The following SPTLC1 variants were observed in gnomAD, a reference collection of about 807,000 sequenced individuals.
The protein encoded by SPTLC1 is serine palmitoyltransferase 1.
A neutral mutation model predicts 68.9 loss-of-function variants in SPTLC1; 55 were observed. The observed-to-expected ratio is 0.80, with a 90% CI of 0.64 to 1.00. The LOEUF (loss-of-function observed/expected upper bound fraction) is 1.00, where lower values mean the gene tolerates loss of function less well. Among genes scored for constraint, SPTLC1 ranks in the 50% least tolerant of loss-of-function variants. The pLI, the probability that SPTLC1 is intolerant of heterozygous loss-of-function variation, is 0.00. For missense variants in SPTLC1, 449 were observed against 573.1 expected, an observed-to-expected ratio of 0.78 and a Z score of 2.21; for synonymous variants, 197 against 201.6, an observed-to-expected ratio of 0.98 and a Z score of 0.19.
At chr9:92,085,483 CTTCAT>C (rs1424913695) in intron 3 of SPTLC1, among the ~76,000 whole-genome samples, 2 of 151,654 alleles carry the variant, frequency 1.3e-5, no homozygotes, top group East Asian at 3.9e-4. Flanking sequence ...TTATTTCTGC[CTTCAT>C]TTCGTTATGT....
At position 92,042,204 on chromosome 9, in the gene SPTLC1, T is replaced by C. The variant is rs117100610; in HGVS notation, c.1136+3795A>G. ...TATACTTAATGAAGAAGTGCTTCTA[T>C]ACTGGGAATAAGGAAGGAATGTTTG... On this transcript the variant is annotated intron_variant, in intron 12 of 14. Coordinates refer to ENST00000262554, the MANE Select transcript of SPTLC1 (RefSeq NM_006415.4). Among the ~76,000 whole-genome samples the C allele has an allele frequency of 1.4e-3, 209 of 152,324 alleles. 1 individual carries two copies. In the East Asian group the frequency reaches 0.035, roughly 25 times the overall value.
At chr9:92,055,636 G>T in intron 7 of SPTLC1, 142 bp from the exon 8 acceptor site, 1 of 853,564 alleles carries the variant, frequency 1.2e-6, no homozygotes. Context: ...TGTTTGTGAT[G>T]GGTTATTTTG....
At chr9:92,082,931 T>A (rs562329557) in intron 3 of SPTLC1, among the ~76,000 whole-genome samples, 5 of 152,350 alleles carry the variant, frequency 3.3e-5, no homozygotes, top group Admixed American at 3.3e-4. Flanking sequence ...TGACTGCCAT[T>A]CTAACTGGTG....
chr9:92,032,487 A>AC lies in SPTLC1; in HGVS notation c.1399dup (p.Val467GlyfsTer59). 1 of 1,614,122 alleles carries AC rather than the reference A, an allele frequency of 6.2e-7. No individual in the cohort carries two copies. The highest frequency in any genetic ancestry group is 8.5e-7 in the Non-Finnish European group (1 of 1,180,022). The stretch of plus-strand genomic sequence containing the variant: ...TGCCTAGAGCAGGACGGCCTGGGCT[A>AC]CCTCCTTGATGGTGGACGCAGCTCT... On this transcript the variant is annotated frameshift_variant, in exon 15 of 15. Coordinates refer to ENST00000262554, the MANE Select transcript of SPTLC1 (RefSeq NM_006415.4). LOFTEE classifies it high-confidence loss of function.
chr9:92,080,599 C>T (rs1834844338), intron 4 of SPTLC1, among the ~76,000 whole-genome samples: 1 of 152,172 alleles, frequency 6.6e-6, no homozygotes, highest in Non-Finnish European at 1.5e-5. Flanking sequence ...AGTGCAGTGG[C>T]ACCATCTTGG....
chr9:92,102,112 A>G (rs1421954510), intron 3 of SPTLC1, among the ~76,000 whole-genome samples: 3 of 152,202 alleles, frequency 2.0e-5, no homozygotes, highest in Non-Finnish European at 4.4e-5. Context: ...CTTGAAGGCT[A>G]GGAAAGATGA....
Position 92,069,898 on chromosome 9 carries a change from T to C in SPTLC1, c.428-1800A>G, listed in dbSNP as rs547551659. On this transcript the variant is annotated intron_variant, in intron 5 of 14. Transcript: ENST00000262554. ...ATTTTTGCTAACCACAAAAGGGATT[T>C]TAAATCATTCTGTAGACTTCTTAGC... 8.5e-5 allele frequency among the ~76,000 whole-genome samples: 13 copies of C among 152,320 alleles called. No individual in the cohort carries two copies. The South Asian group carries it at 2.7e-3, about 32-fold the overall frequency.
At chr9:92,095,463 T>C (rs1183818914) in intron 3 of SPTLC1, among the ~76,000 whole-genome samples, 1 of 152,182 alleles carries the variant, frequency 6.6e-6, no homozygotes, top group Non-Finnish European at 1.5e-5. Flanking sequence ...TTTAGGTGTC[T>C]ATCATGAGGA....
At chr9:92,038,514 A>C in intron 12 of SPTLC1, 149 bp from the exon 13 acceptor site, 1 of 717,860 alleles carries the variant, frequency 1.4e-6, no homozygotes, top group Non-Finnish European at 2.6e-6. Flanking sequence ...CAATTCCAAC[A>C]AAGAAAGGGA....
At chr9:92,044,852 T>A (rs1833455928) in intron 12 of SPTLC1, among the ~76,000 whole-genome samples, 1 of 151,276 alleles carries the variant, frequency 6.6e-6, no homozygotes, top group Admixed American at 6.6e-5. Flanking sequence ...GTGAGGGGAG[T>A]GAAGACAGAG....
intron 3 of SPTLC1, among the ~76,000 whole-genome samples, chr9:92,101,070 A>G (rs764589374): frequency 9.9e-5 from 15 of 152,242 alleles, no homozygotes; most frequent in Non-Finnish European, 2.1e-4. Context: ...TGACACCACC[A>G]AAGTTGCACA....
chr9:92,072,187 C>G (rs145896635), intron 5 of SPTLC1, among the ~76,000 whole-genome samples: 1 of 152,138 alleles, frequency 6.6e-6, no homozygotes, highest in Non-Finnish European at 1.5e-5. Context: ...TCTCCCCTAT[C>G]CTCCCCACGC....
At chr9:92,055,173 C>T in intron 8 of SPTLC1, 1 of 934,626 alleles carries the variant, frequency 1.1e-6, no homozygotes, top group Non-Finnish European at 1.3e-6. Context: ...CTGCAGTGAG[C>T]TGTGTTCACA....
At chr9:92,035,069 C>T (rs1833098681) in intron 13 of SPTLC1, among the ~76,000 whole-genome samples, 186 bp from the exon 14 acceptor site, 1 of 152,228 alleles carries the variant, frequency 6.6e-6, no homozygotes, top group African/African-American at 2.4e-5. Context: ...TCTGCAATGA[C>T]AAATACCTCT....
At chr9:92,067,862 G>A (rs1383774103) in intron 6 of SPTLC1, 104 bp downstream of exon 6, 1 of 1,375,314 alleles carries the variant, frequency 7.3e-7, no homozygotes. Context: ...AAAACAAAAA[G>A]CAGCATTATT....
intron 5 of SPTLC1, among the ~76,000 whole-genome samples, chr9:92,072,675 C>A (rs1198604521): frequency 6.6e-6 from 1 of 151,968 alleles, no homozygotes; most frequent in Non-Finnish European, 1.5e-5. Context: ...TTTTCTGTAA[C>A]ACGGCCTGGC....
intron 7 of SPTLC1, among the ~76,000 whole-genome samples, chr9:92,058,815 G>GAATTCACTAGGTACAGAATAGGTA (rs1204642820): frequency 9.2e-5 from 14 of 152,288 alleles, no homozygotes; most frequent in Non-Finnish European, 1.8e-4. Context: ...GTATGAATAA[G>GAATTCACTAGGTACAGAATAGGTA]CCTATTCTGA....
intron 8 of SPTLC1, among the ~76,000 whole-genome samples, chr9:92,051,838 A>C (rs1441241457): frequency 6.6e-6 from 1 of 152,238 alleles, no homozygotes; most frequent in African/African-American, 2.4e-5. Flanking sequence ...AAGGAAATTA[A>C]GGAAACAATT....
intron 6 of SPTLC1, among the ~76,000 whole-genome samples, chr9:92,061,280 G>A (rs1834090708): frequency 6.6e-6 from 1 of 152,102 alleles, no homozygotes; most frequent in African/African-American, 2.4e-5. Context: ...TATACATAGA[G>A]AAAAACAATT....
Sources: allele counts gnomAD v4.1 joint callset (sites outside exome capture counted in the v4.1 genomes callset), GRCh38; gene constraint gnomAD v4.1.1; transcripts MANE v1.5; gene names NCBI Gene and HGNC (gene_info 2026-07-23, HGNC 2026-07-21).